KHDRBS2: variants seen among roughly 807,000 people sequenced by gnomAD.
KHDRBS2 encodes KH domain-containing, RNA-binding, signal transduction-associated protein 2.
Under a neutral mutation model 44.3 loss-of-function variants are expected in KHDRBS2, and 26 were observed. The observed-to-expected ratio is 0.59, with a 90% CI of 0.43 to 0.81. The LOEUF is 0.81. Ranked by LOEUF, KHDRBS2 falls within the 40% of genes least tolerant of loss-of-function variation. The probability of loss-of-function intolerance (pLI) is 0.00; values close to 1 mark genes in which losing one functional copy is unlikely to be tolerated. For missense variants in KHDRBS2, 476 were observed against 433.1 expected, an observed-to-expected ratio of 1.10 and a Z score of -0.88; for synonymous variants, 194 against 151.1, an observed-to-expected ratio of 1.28 and a Z score of -2.08.
At chr6:62,230,212 A>C (rs1832678549) in intron 1 of KHDRBS2, among the ~76,000 whole-genome samples, 1 of 152,206 alleles carries the variant, frequency 6.6e-6, no homozygotes, top group Non-Finnish European at 1.5e-5. Flanking sequence ...CACTAAAGCA[A>C]GAAATGTTTC....
intron 3 of KHDRBS2, among the ~76,000 whole-genome samples, chr6:62,023,720 A>T (rs1782756722): frequency 6.6e-6 from 1 of 151,496 alleles, no homozygotes; most frequent in Non-Finnish European, 1.5e-5. Flanking sequence ...CATCATGTGA[A>T]CTAAATTTTC....
intron 6 of KHDRBS2, among the ~76,000 whole-genome samples, chr6:61,775,862 G>C (rs986154513): frequency 6.6e-6 from 1 of 152,124 alleles, no homozygotes; most frequent in African/African-American, 2.4e-5. Context: ...GAACAAAGCT[G>C]GAGGCAACAG....
chr6:62,206,346 A>C (rs1827971844), intron 1 of KHDRBS2, among the ~76,000 whole-genome samples: 1 of 152,136 alleles, frequency 6.6e-6, no homozygotes, highest in African/African-American at 2.4e-5. Flanking sequence ...AGCTTTTCTC[A>C]AAACGTTCTT....
chr6:62,189,830 C>T (rs1029155720), intron 1 of KHDRBS2, among the ~76,000 whole-genome samples: 3 of 152,052 alleles, frequency 2.0e-5, no homozygotes, highest in African/African-American at 7.2e-5. Flanking sequence ...AAATGACTGG[C>T]AGAAGAACAG....
At chr6:61,805,024 C>T (rs562600836) in intron 6 of KHDRBS2, among the ~76,000 whole-genome samples, 1 of 152,286 alleles carries the variant, frequency 6.6e-6, no homozygotes, top group African/African-American at 2.4e-5. Context: ...CATCATCAGG[C>T]TGCACATTTT....
chr6:62,140,837 AG>A (rs1812659841), intron 2 of KHDRBS2, among the ~76,000 whole-genome samples: 2 of 152,210 alleles, frequency 1.3e-5, no homozygotes, highest in Admixed American at 1.3e-4. Flanking sequence ...TTAGAATCAA[AG>A]GAAATATAAG....
At chr6:62,049,397 C>T (rs948962573) in intron 2 of KHDRBS2, among the ~76,000 whole-genome samples, 1 of 151,014 alleles carries the variant, frequency 6.6e-6, no homozygotes, top group Non-Finnish European at 1.5e-5. Flanking sequence ...CTATATGTGA[C>T]AACTAAAATT....
intron 3 of KHDRBS2, among the ~76,000 whole-genome samples, chr6:62,043,399 T>C (rs1459877477): frequency 6.6e-6 from 1 of 152,122 alleles, no homozygotes; most frequent in Non-Finnish European, 1.5e-5. Flanking sequence ...TGCTAGTTAA[T>C]TTCCTGAGGT....
chr6:62,028,164 C>G (rs1783714109), intron 3 of KHDRBS2, among the ~76,000 whole-genome samples: 1 of 151,990 alleles, frequency 6.6e-6, no homozygotes, highest in Non-Finnish European at 1.5e-5. Context: ...TCAGCTGGTA[C>G]TGGGAAAAAA....
chr6:61,878,439 T>C (rs575629245), intron 6 of KHDRBS2, among the ~76,000 whole-genome samples: 1 of 152,158 alleles, frequency 6.6e-6, no homozygotes, highest in Admixed American at 6.6e-5. Flanking sequence ...TGAAGTATTT[T>C]ACTTATTTCT....
intron 3 of KHDRBS2, among the ~76,000 whole-genome samples, chr6:61,978,445 A>C (rs912569661): frequency 6.6e-5 from 10 of 152,218 alleles, no homozygotes; most frequent in African/African-American, 2.4e-4. Context: ...TATCATCTAC[A>C]ACAGATTTTA....
intron 6 of KHDRBS2, among the ~76,000 whole-genome samples, chr6:61,882,661 T>A (rs1800369446): frequency 6.6e-6 from 1 of 151,986 alleles, no homozygotes. Context: ...ACAGCATCCC[T>A]AGTAAAAGCC....
the KHDRBS2 span, among the ~76,000 whole-genome samples, chr6:61,638,706 T>C: frequency 3.9e-5 from 6 of 152,284 alleles, no homozygotes; most frequent in Non-Finnish European, 7.4e-5. Flanking sequence ...TCAATTAGCA[T>C]TATTCTGGTA....
intron 6 of KHDRBS2, among the ~76,000 whole-genome samples, chr6:61,792,123 A>G (rs1311363714): frequency 1.3e-5 from 2 of 151,544 alleles, no homozygotes; most frequent in Admixed American, 6.6e-5. Flanking sequence ...AATTTTAATT[A>G]GTATACTTAA....
chr6:61,761,027 A>C (rs1779193135), intron 6 of KHDRBS2, among the ~76,000 whole-genome samples: 1 of 152,200 alleles, frequency 6.6e-6, no homozygotes. Flanking sequence ...TTGAAAATGA[A>C]ATTTGCAGCA....
intron 1 of KHDRBS2, among the ~76,000 whole-genome samples, chr6:62,223,892 A>G (rs1831318522): frequency 6.6e-6 from 1 of 152,116 alleles, no homozygotes. Context: ...AAAGCTATTC[A>G]ACAAGTCTCT....
intron 2 of KHDRBS2, among the ~76,000 whole-genome samples, chr6:62,064,203 G>A (rs879614466): frequency 1.6e-5 from 2 of 127,842 alleles, no homozygotes; most frequent in Non-Finnish European, 3.4e-5. Context: ...TGGCCATACT[G>A]CCCAAGGTAA....
the KHDRBS2 span, among the ~76,000 whole-genome samples, chr6:61,542,991 C>T: frequency 2.6e-5 from 4 of 152,058 alleles, no homozygotes; most frequent in South Asian, 8.3e-4. Context: ...GGTATAAAGA[C>T]CTCAAGGCTA....
chr6:62,199,400 C>G (rs1391398775), intron 1 of KHDRBS2, among the ~76,000 whole-genome samples: 1 of 152,110 alleles, frequency 6.6e-6, no homozygotes, highest in Admixed American at 6.6e-5. Flanking sequence ...TCTCAGGATA[C>G]AAAATCAATG....
Sources: gnomAD v4.1 joint callset for allele counts (sites outside exome capture counted in the v4.1 genomes callset) on GRCh38, gnomAD v4.1.1 for gene constraint, MANE v1.5 for transcripts, NCBI Gene and HGNC (gene_info 2026-07-23, HGNC 2026-07-21) for gene names.